The following ZNF827 variants were observed in gnomAD, a reference collection of about 807,000 sequenced individuals.
ZNF827 encodes zinc finger protein 827.
A neutral mutation model predicts 102.4 loss-of-function variants in ZNF827; 13 were observed. The observed-to-expected ratio is 0.13, with a 90% CI of 0.08 to 0.20. The LOEUF is 0.20. Ranked by LOEUF, ZNF827 falls within the 10% of genes least tolerant of loss-of-function variation. The pLI, the probability that ZNF827 is intolerant of heterozygous loss-of-function variation, is 1.00. For synonymous variants in ZNF827, 523 were observed against 536.2 expected (o/e 0.98, Z 0.34); for missense variants, 1,103 against 1,344.4 (o/e 0.82, Z 2.81).
intron 1 of ZNF827, among the ~76,000 whole-genome samples, chr4:145,917,729 A>T (rs1752768295): frequency 6.7e-6 from 1 of 150,150 alleles, no homozygotes; most frequent in Non-Finnish European, 1.5e-5. Flanking sequence ...AAAAAAAAGA[A>T]AAGAAAAAAC....
intron 7 of ZNF827, among the ~76,000 whole-genome samples, chr4:145,838,234 C>T (rs1745070568): frequency 1.3e-5 from 2 of 152,162 alleles, no homozygotes; most frequent in Admixed American, 6.5e-5. Flanking sequence ...TAACTGATGA[C>T]ATTACCTTGT....
chr4:145,869,359 A>G (rs1349774342), intron 5 of ZNF827, among the ~76,000 whole-genome samples: 3 of 152,234 alleles, frequency 2.0e-5, no homozygotes, highest in Admixed American at 1.3e-4. Flanking sequence ...TCTCTAATGC[A>G]TTTCTTGCTT....
intron 11 of ZNF827, among the ~76,000 whole-genome samples, chr4:145,770,066 G>A (rs1229236135): frequency 1.3e-5 from 2 of 152,178 alleles, no homozygotes; most frequent in African/African-American, 4.8e-5. Context: ...GGGAGGCTGA[G>A]GTGGGTGAAT....
rs1185519771 is a variant in ZNF827, at chr4:145,773,582, CT to C, written c.2860+923del. On this transcript the variant is annotated intron_variant, in intron 11 of 14. Coordinates refer to ENST00000508784, the MANE Select transcript of ZNF827 (RefSeq NM_001306215.2). The stretch of plus-strand genomic sequence containing the variant: ...CAGACGGAGCTCCTCCTCATTCTCA[CT>C]TAATGACTCCTTGCTGGTATCATTT... Among the ~76,000 whole-genome samples the C allele has an allele frequency of 4.6e-5, 7 of 152,232 alleles. No homozygotes were observed. In the South Asian group the frequency reaches 1.0e-3, roughly 22 times the overall value.
intron 11 of ZNF827, among the ~76,000 whole-genome samples, chr4:145,768,858 CAAAA>C (rs1174930111): frequency 1.3e-3 from 6 of 4,526 alleles, no homozygotes; most frequent in East Asian, 0.012. Flanking sequence ...GACTCCGTCT[CAAAA>C]AAAAAAAAAA....
intron 8 of ZNF827, among the ~76,000 whole-genome samples, chr4:145,805,945 T>G (rs1247785213): frequency 6.6e-6 from 1 of 151,874 alleles, no homozygotes; most frequent in African/African-American, 2.4e-5. Context: ...CTACCTTATG[T>G]GACCCCTTCC....
At chr4:145,889,404 GATT>G (rs1268277848) in intron 3 of ZNF827, among the ~76,000 whole-genome samples, 1 of 152,112 alleles carries the variant, frequency 6.6e-6, no homozygotes, top group Non-Finnish European at 1.5e-5. Context: ...CAGACTGTAT[GATT>G]ATTATCTCCA....
chr4:145,919,161 G>A (rs1250032334), intron 1 of ZNF827, among the ~76,000 whole-genome samples: 1 of 152,016 alleles, frequency 6.6e-6, no homozygotes, highest in Non-Finnish European at 1.5e-5. Context: ...GGCTAAGGTG[G>A]GAGGATCACT....
chr4:145,840,193 A>C lies in ZNF827; in HGVS notation c.2279+5763T>G, dbSNP rs189498596. Among the ~76,000 whole-genome samples, 301 of 151,470 alleles carry C rather than the reference A, an allele frequency of 2.0e-3. 4 individuals are homozygous for C. The highest frequency in any genetic ancestry group is 6.4e-3 in the African/African-American group (259 of 40,742). ...AGTTTTAATTTCTTTGAAAAATAGA[A>C]GCTCAAAGATAAGTAGCAAAGAATG... On this transcript the variant is annotated intron_variant, in intron 7 of 14. Coordinates refer to ENST00000508784, the MANE Select transcript of ZNF827 (RefSeq NM_001306215.2).
At chr4:145,929,499 T>C (rs1055611052) in intron 1 of ZNF827, among the ~76,000 whole-genome samples, 8 of 152,170 alleles carry the variant, frequency 5.3e-5, no homozygotes, top group African/African-American at 1.7e-4. Context: ...GGTCAAATCA[T>C]ATAAACAGAG....
chr4:145,831,054 G>T (rs114215470), intron 7 of ZNF827: 1 of 152,204 alleles, frequency 6.6e-6, no homozygotes, highest in African/African-American at 2.4e-5. Flanking sequence ...TTAATGGTAC[G>T]CATGAACATT....
chr4:145,867,974 A>G (rs1455330828), intron 5 of ZNF827, among the ~76,000 whole-genome samples: 1 of 152,246 alleles, frequency 6.6e-6, no homozygotes, highest in Non-Finnish European at 1.5e-5. Flanking sequence ...TGAAATTGTT[A>G]AAATTACAAT....
In ZNF827 at chr4:145,765,887, C is replaced by T; in HGVS notation, c.2861-149G>A. ...CCAGCTCCCCCACTGCTGGGGGATC[C>T]CAGGTCCTAAGGCACCTACCTCCTT... On this transcript the variant is annotated intron_variant, in intron 11 of 14. Coordinates refer to ENST00000508784, the MANE Select transcript of ZNF827 (RefSeq NM_001306215.2). This position sits in a 1 kb window ranked among gnomAD's most constrained non-coding sequence, Gnocchi z 4.7. 1 of 744,992 alleles carries T rather than the reference C, an allele frequency of 1.3e-6. No individual in the cohort carries two copies. The highest frequency in any genetic ancestry group is 2.9e-5 in the East Asian group (1 of 35,034). The allele number at this position is 744,992 out of a possible 1,614,324, so 46.1% of individuals were successfully genotyped here.
chr4:145,935,447 A>G (rs1754089847), intron 1 of ZNF827, among the ~76,000 whole-genome samples: 1 of 152,242 alleles, frequency 6.6e-6, no homozygotes, highest in South Asian at 2.1e-4. Context: ...CAGAAATTGC[A>G]AAGTCCAAAC....
intron 4 of ZNF827, among the ~76,000 whole-genome samples, chr4:145,872,244 T>C (rs969851095): frequency 6.6e-6 from 1 of 152,054 alleles, no homozygotes; most frequent in Non-Finnish European, 1.5e-5. Flanking sequence ...AAGGAGGTAA[T>C]TAAGGTTAAA....
At chr4:145,873,336 T>G (rs574252069) in intron 4 of ZNF827, among the ~76,000 whole-genome samples, 1 of 152,334 alleles carries the variant, frequency 6.6e-6, no homozygotes, top group South Asian at 2.1e-4. Flanking sequence ...TAAAATGTGT[T>G]GCTCCAAATT....
intron 8 of ZNF827, among the ~76,000 whole-genome samples, chr4:145,793,985 T>TC (rs949375310): frequency 3.1e-4 from 47 of 152,188 alleles, no homozygotes; most frequent in African/African-American, 1.1e-3. Flanking sequence ...CTTCACCTCA[T>TC]CCCCCTGCCT....
intron 3 of ZNF827, among the ~76,000 whole-genome samples, chr4:145,891,643 C>G (rs1320233854): frequency 6.6e-6 from 1 of 152,182 alleles, no homozygotes; most frequent in African/African-American, 2.4e-5. Flanking sequence ...TATGATAGCT[C>G]AAACAATGAC....
Position 145,885,704 on chromosome 4 carries a change from G to A in ZNF827, c.1721C>T (p.Ala574Val). Residue 574 changes from alanine (A) to valine (V), a missense_variant, in exon 4 of 15, where the codon GCG becomes GTG. Ala to Val is a moderately conservative substitution (Grantham distance 64, BLOSUM62 0). This residue lies in a region of ZNF827 where 157 missense variants were observed against 211.7 expected (regional missense o/e 0.74). Transcript: ENST00000508784. ...LFSQDISVKM[A>V]SDFLMKLSAA... ...TGACAGCTTCATGAGAAAATCAGAC[G>A]CCATCTTAACAGAGATGTCCTGGCT... is the stretch of plus-strand genomic sequence containing the variant. The A allele has an allele frequency of 6.6e-7, 1 of 1,523,630 alleles. No homozygotes were observed. The highest frequency in any genetic ancestry group is 8.8e-7 in the Non-Finnish European group (1 of 1,138,110). 94.4% of individuals were successfully genotyped at this position (1,523,630 alleles called of 1,614,324 possible). A position where few individuals can be genotyped will look rare whatever the true frequency, so the allele number is the denominator to read the frequency against.
Sources: gnomAD v4.1 joint callset for allele counts (sites outside exome capture counted in the v4.1 genomes callset) on GRCh38, gnomAD v4.1.1 for gene constraint, gnomAD v4.1.1 regional missense constraint, Gnocchi (gnomAD v3.1) non-coding constraint, MANE v1.5 for transcripts, NCBI Gene and HGNC (gene_info 2026-07-23, HGNC 2026-07-21) for gene names.